The following CNTN4 variants were observed in gnomAD, a reference collection of about 807,000 sequenced individuals.
CNTN4 encodes the protein contactin 4, also known as contactin-4.
Under a neutral mutation model 122.5 loss-of-function variants are expected in CNTN4, and 77 were observed. The observed-to-expected ratio is 0.63, with a 90% confidence interval of 0.52 to 0.76. CNTN4 has a LOEUF of 0.76. CNTN4 is among the 30% of genes least tolerant of loss of function. CNTN4 has a pLI of 0.00. For missense variants in CNTN4, 1,256 were observed against 1,259.1 expected, an observed-to-expected ratio of 1.00 and a Z score of 0.04; for synonymous variants, 512 against 447.0, an observed-to-expected ratio of 1.15 and a Z score of -1.83.
intron 5 of CNTN4, among the ~76,000 whole-genome samples, chr3:2,743,438 T>A (rs1355995933): frequency 2.6e-5 from 4 of 152,206 alleles, no homozygotes; most frequent in Non-Finnish European, 5.9e-5. Flanking sequence ...CCAATCTTCT[T>A]ATATACAAAC....
At chr3:3,053,225 G>C (rs1574948086) in intron 23 of CNTN4, among the ~76,000 whole-genome samples, 1 of 152,160 alleles carries the variant, frequency 6.6e-6, no homozygotes, top group Non-Finnish European at 1.5e-5. Flanking sequence ...TGTAGAGACA[G>C]GGTTTCGCCA....
chr3:2,682,751 C>T (rs867303622), intron 4 of CNTN4, among the ~76,000 whole-genome samples: 27 of 152,196 alleles, frequency 1.8e-4, no homozygotes, highest in Middle Eastern at 6.8e-3. Flanking sequence ...CTGAAAATTG[C>T]ACCCTGTATC....
At chr3:2,711,110 G>A (rs1390634833) in intron 4 of CNTN4, among the ~76,000 whole-genome samples, 1 of 152,204 alleles carries the variant, frequency 6.6e-6, no homozygotes, top group Non-Finnish European at 1.5e-5. Context: ...CAGAATCATT[G>A]TCAGTTTTTG....
chr3:2,552,315 C>G (rs933892338), intron 3 of CNTN4, among the ~76,000 whole-genome samples: 1 of 152,132 alleles, frequency 6.6e-6, no homozygotes, highest in Non-Finnish European at 1.5e-5. Flanking sequence ...CCAGAGAGCT[C>G]ACAGAACAAC....
rs549179319 is a variant in CNTN4, at chr3:2,705,948, T to C, written c.56-30267T>C. On this transcript the variant is annotated intron_variant, in intron 4 of 24. Coordinates refer to ENST00000418658, the MANE Select transcript of CNTN4 (RefSeq NM_175607.3). ...AATATATAATTTATAAATAAATATA[T>C]AATATATAAATATATAAAATATATA... is the stretch of plus-strand genomic sequence containing the variant. 4.8e-3 allele frequency among the ~76,000 whole-genome samples: 615 copies of C among 127,798 alleles called. 5 individuals are homozygous for C. Among genetic ancestry groups the C allele is most frequent in the African/African-American group, 0.017 (565 of 33,816 alleles). The allele number at this position is 127,798 out of a possible 152,430, so 83.8% of individuals were successfully genotyped here.
intron 7 of CNTN4, among the ~76,000 whole-genome samples, chr3:2,851,595 A>G (rs182104422): frequency 2.2e-3 from 330 of 152,326 alleles, no homozygotes; most frequent in Non-Finnish European, 3.6e-3. Flanking sequence ...TTGGCGTTTT[A>G]TTGTTTACAA....
At chr3:2,892,779 CA>C (rs981958385) in intron 10 of CNTN4, among the ~76,000 whole-genome samples, 3 of 152,144 alleles carry the variant, frequency 2.0e-5, no homozygotes, top group African/African-American at 7.2e-5. Context: ...GAGCAGTAAA[CA>C]AGGCTGTATT....
At chr3:2,421,221 G>C (rs2047603010) in intron 3 of CNTN4, among the ~76,000 whole-genome samples, 1 of 150,384 alleles carries the variant, frequency 6.6e-6, no homozygotes, top group Admixed American at 6.7e-5. Flanking sequence ...CTAGGAGTGA[G>C]CTTTAGGGTG....
chr3:2,992,651 T>C (rs572352522), intron 14 of CNTN4, among the ~76,000 whole-genome samples: 1 of 152,266 alleles, frequency 6.6e-6, no homozygotes, highest in East Asian at 1.9e-4. Context: ...TTGGATGTAG[T>C]TCAACAAGAT....
intron 2 of CNTN4, among the ~76,000 whole-genome samples, chr3:2,126,528 A>T (rs1314012333): frequency 6.6e-6 from 1 of 152,098 alleles, no homozygotes; most frequent in East Asian, 1.9e-4. Context: ...TGTGAACTTT[A>T]TTTAATCATT....
chr3:2,185,349 A>G (rs893071989), intron 2 of CNTN4, among the ~76,000 whole-genome samples: 15 of 152,224 alleles, frequency 9.9e-5, no homozygotes, highest in African/African-American at 2.9e-4. Context: ...AAAGTCCCCA[A>G]CCCTATGTCC....
chr3:2,645,336 A>G (rs1056887529), intron 4 of CNTN4, among the ~76,000 whole-genome samples: 3 of 152,200 alleles, frequency 2.0e-5, no homozygotes, highest in Non-Finnish European at 4.4e-5. Context: ...AAGATCTGTG[A>G]AGAACATGAT....
chr3:2,778,179 A>C (rs377379075), intron 6 of CNTN4, among the ~76,000 whole-genome samples: 4,378 of 138,268 alleles, frequency 0.032, 167 homozygotes, highest in Non-Finnish European at 0.045. Flanking sequence ...GCGCCACTGC[A>C]CTCCAGCCTG....
intron 3 of CNTN4, among the ~76,000 whole-genome samples, chr3:2,369,063 A>C (rs1460893228): frequency 6.6e-6 from 1 of 152,240 alleles, no homozygotes; most frequent in Non-Finnish European, 1.5e-5. Flanking sequence ...AGCTGGGATT[A>C]CAGGCACCTG....
At chr3:3,002,493 G>C (rs1483197883) in intron 14 of CNTN4, among the ~76,000 whole-genome samples, 3 of 152,092 alleles carry the variant, frequency 2.0e-5, no homozygotes, top group Non-Finnish European at 4.4e-5. Flanking sequence ...GAGTTATAAG[G>C]GTTGCAAGTA....
intron 2 of CNTN4, among the ~76,000 whole-genome samples, chr3:2,253,431 A>G (rs1294592858): frequency 1.3e-5 from 2 of 152,186 alleles, no homozygotes; most frequent in African/African-American, 4.8e-5. Context: ...AGTGAACGAA[A>G]CAAAAGAACA....
chr3:2,519,844 T>G (rs758768421), intron 3 of CNTN4, among the ~76,000 whole-genome samples: 2 of 152,174 alleles, frequency 1.3e-5, no homozygotes, highest in African/African-American at 4.8e-5. Context: ...TTGAGGCATC[T>G]CTCATTGGTT....
intron 13 of CNTN4, among the ~76,000 whole-genome samples, chr3:2,926,702 A>G (rs901444842): frequency 6.6e-6 from 1 of 152,228 alleles, no homozygotes; most frequent in Non-Finnish European, 1.5e-5. Context: ...GGATTTGCAT[A>G]TACATATTAG....
chr3:2,321,253 G>A (rs1398324848), intron 2 of CNTN4, among the ~76,000 whole-genome samples: 1 of 151,984 alleles, frequency 6.6e-6, no homozygotes, highest in Non-Finnish European at 1.5e-5. Flanking sequence ...ATAGTATAGT[G>A]GTAAAAAACT....
Sources: allele counts gnomAD v4.1 joint callset (sites outside exome capture counted in the v4.1 genomes callset), GRCh38; gene constraint gnomAD v4.1.1; transcripts MANE v1.5; gene names NCBI Gene and HGNC (gene_info 2026-07-23, HGNC 2026-07-21).